ANO1: variants seen among roughly 807,000 people sequenced by gnomAD.
The protein encoded by ANO1 is anoctamin-1.
A neutral mutation model predicts 124.0 loss-of-function variants in ANO1; 59 were observed. The observed-to-expected ratio is 0.48, with a 90% CI of 0.39 to 0.59. ANO1 has a LOEUF of 0.59. ANO1 is among the 20% of genes least tolerant of loss of function. The pLI is 0.00. For missense variants in ANO1, 1,059 were observed against 1,328.0 expected (o/e 0.80, Z 3.15); for synonymous variants, 529 against 532.0 (o/e 0.99, Z 0.08).
intron 11 of ANO1, among the ~76,000 whole-genome samples, chr11:70,133,604 GCCCTGT>G (rs1565234508): frequency 6.6e-6 from 1 of 152,200 alleles, no homozygotes; most frequent in Non-Finnish European, 1.5e-5. Flanking sequence ...CCAGGCCCGA[GCCCTGT>G]CCCTACACAG....
the ANO1 span, among the ~76,000 whole-genome samples, chr11:69,971,016 G>A: frequency 1.3e-5 from 2 of 152,236 alleles, no homozygotes; most frequent in African/African-American, 4.8e-5. Flanking sequence ...AACAGGACAT[G>A]CAGTTTTTGT....
At chr11:69,980,740 C>T in the ANO1 span, among the ~76,000 whole-genome samples, 113,022 of 152,104 alleles carry the variant, frequency 0.74, 43,405 homozygotes, top group South Asian at 0.89. Flanking sequence ...TTATGTCATG[C>T]ACATTTTATC....
intron 1 of ANO1, among the ~76,000 whole-genome samples, chr11:70,054,298 A>C (rs1555006590): frequency 6.6e-6 from 1 of 152,144 alleles, no homozygotes; most frequent in Non-Finnish European, 1.5e-5. Context: ...AGTCATCCCC[A>C]CTGGGTTTGT....
rs112860469 is a variant in ANO1 at position 70,049,056 on chromosome 11, T to C, written c.59-29486T>C. ...TTTTCACAGCAATTGCCAATGATGC[T>C]GGCCCCTGATTGCTTTCTGGTGGCT... On this transcript the variant is annotated intron_variant, in intron 1 of 27. Transcript: ENST00000531349. 3.3e-3 allele frequency among the ~76,000 whole-genome samples: 500 copies of C among 152,312 alleles called. 4 individuals are homozygous for C. The highest frequency in any genetic ancestry group is 0.011 in the African/African-American group (473 of 41,574).
intron 1 of ANO1, among the ~76,000 whole-genome samples, chr11:70,031,865 G>A (rs1433671644): frequency 1.3e-5 from 2 of 152,190 alleles, no homozygotes; most frequent in African/African-American, 2.4e-5. Flanking sequence ...CTGGCATCAG[G>A]GAGTGTCCTT....
intron 12 of ANO1, among the ~76,000 whole-genome samples, chr11:70,151,751 C>T (rs2047611015): frequency 6.6e-6 from 1 of 152,180 alleles, no homozygotes; most frequent in South Asian, 2.1e-4. Flanking sequence ...TAACCTCAGG[C>T]GACAGGGGCC....
At chr11:70,120,313 G>T (rs762234004) in intron 8 of ANO1, among the ~76,000 whole-genome samples, 9 of 152,110 alleles carry the variant, frequency 5.9e-5, no homozygotes, top group African/African-American at 2.2e-4. Flanking sequence ...CAGGACCGTG[G>T]GTGAGTTCAC....
chr11:70,150,717 G>A (rs953960513), intron 12 of ANO1, among the ~76,000 whole-genome samples: 5 of 151,764 alleles, frequency 3.3e-5, no homozygotes, highest in South Asian at 4.2e-4. Context: ...TAATTTTTTT[G>A]TAAGAGTCAG....
intron 22 of ANO1, among the ~76,000 whole-genome samples, chr11:70,172,380 A>G (rs2048513278): frequency 6.6e-6 from 1 of 152,186 alleles, no homozygotes; most frequent in South Asian, 2.1e-4. Context: ...TGAAAACAAA[A>G]TTACAAAAAT....
At chr11:70,103,584 G>A (rs1347064646) in intron 3 of ANO1, among the ~76,000 whole-genome samples, 1 of 152,152 alleles carries the variant, frequency 6.6e-6, no homozygotes, top group East Asian at 1.9e-4. Flanking sequence ...TTTTTAATCT[G>A]TGAAAACTTT....
At chr11:70,161,800 C>G in intron 18 of ANO1, 67 bp downstream of exon 18, 1 of 1,516,238 alleles carries the variant, frequency 6.6e-7, no homozygotes, top group South Asian at 1.1e-5. Context: ...TCTCCCTCCC[C>G]ACAGGTTGGG....
chr11:70,049,332 A>G (rs1555006043), intron 1 of ANO1, among the ~76,000 whole-genome samples: 1 of 152,224 alleles, frequency 6.6e-6, no homozygotes, highest in African/African-American at 2.4e-5. Flanking sequence ...TCTGCTGTTC[A>G]CAGCCAGGTG....
Position 70,188,067 on chromosome 11 carries a change from G to A in ANO1, c.*63G>A, listed in dbSNP as rs1670315124. 2 of 1,505,150 alleles carry A rather than the reference G, an allele frequency of 1.3e-6. No individual in the cohort carries two copies. Among genetic ancestry groups the A allele is most frequent in the Non-Finnish European group, 1.8e-6 (2 of 1,127,286 alleles). The allele number at this position is 1,505,150 out of a possible 1,614,324, so 93.2% of individuals were successfully genotyped here. On this transcript the variant is annotated 3_prime_UTR_variant, in exon 26 of 26. Coordinates refer to ENST00000355303, the MANE Select transcript of ANO1 (RefSeq NM_018043.7). Reference sequence around the variant, plus strand: ...TGACCGATGGGCACCCTCTCCCAGGGCAGGCGGCTTCCCGCTCCCACCAGG... The same window carrying A: ...TGACCGATGGGCACCCTCTCCCAGGACAGGCGGCTTCCCGCTCCCACCAGG...
At chr11:70,134,725 A>G (rs11820394) in intron 11 of ANO1, among the ~76,000 whole-genome samples, 3,728 of 152,210 alleles carry the variant, frequency 0.024, 170 homozygotes, top group African/African-American at 0.084. Context: ...TCATCGGCCC[A>G]TGTGTACTGA....
At chr11:70,055,276 G>A (rs1199436361) in intron 1 of ANO1, among the ~76,000 whole-genome samples, 5 of 151,964 alleles carry the variant, frequency 3.3e-5, no homozygotes, top group African/African-American at 4.8e-5. Flanking sequence ...AAAGAGTTGT[G>A]TTAAATTTTA....
intron 25 of ANO1, among the ~76,000 whole-genome samples, chr11:70,186,258 G>A (rs1179640506): frequency 1.3e-5 from 2 of 151,530 alleles, no homozygotes; most frequent in African/African-American, 4.9e-5. Flanking sequence ...CTACACTCCA[G>A]CTTGAGCAAC....
At chr11:70,126,006 C>T in intron 9 of ANO1, 55 bp from the exon 10 acceptor site, 11 of 1,532,322 alleles carry the variant, frequency 7.2e-6, no homozygotes, top group Non-Finnish European at 9.7e-6. Context: ...TGACATGTTT[C>T]CCTGCTAGTA....
At chr11:70,089,463 T>G (rs1231196554) in intron 2 of ANO1, among the ~76,000 whole-genome samples, 1 of 152,200 alleles carries the variant, frequency 6.6e-6, no homozygotes, top group Admixed American at 6.5e-5. Flanking sequence ...TGGAACGTGC[T>G]CCATGGGGCC....
chr11:70,058,297 T>C (rs1465258579), intron 1 of ANO1, among the ~76,000 whole-genome samples: 1 of 152,162 alleles, frequency 6.6e-6, no homozygotes, highest in Non-Finnish European at 1.5e-5. Flanking sequence ...GGCTCTATCC[T>C]TGAGTTTTTT....
Sources: gnomAD v4.1 joint callset for allele counts (sites outside exome capture counted in the v4.1 genomes callset) on GRCh38, gnomAD v4.1.1 for gene constraint, MANE v1.5 for transcripts, NCBI Gene and HGNC (gene_info 2026-07-23, HGNC 2026-07-21) for gene names.